The following SENP6 variants were observed in gnomAD, a reference collection of about 807,000 sequenced individuals.
SENP6 encodes SUMO specific peptidase 6, also known as sentrin-specific protease 6.
In SENP6, 41 loss-of-function variants were observed where a neutral mutation model predicts 134.5. The ratio of observed to expected loss-of-function variants is 0.30; its 90% confidence interval spans 0.24 to 0.40. The LOEUF (loss-of-function observed/expected upper bound fraction) is 0.40. SENP6 is among the 10% of genes least tolerant of loss of function. The probability of loss-of-function intolerance (pLI) is 1.00; values close to 1 mark genes in which losing one functional copy is unlikely to be tolerated. For missense variants in SENP6, 1,248 were observed against 1,312.5 expected, an observed-to-expected ratio of 0.95 and a Z score of 0.76; for synonymous variants, 395 against 429.8, an observed-to-expected ratio of 0.92 and a Z score of 1.00.
chr6:75,604,934 G>A (rs1240237546), intron 1 of SENP6, among the ~76,000 whole-genome samples: 3 of 151,084 alleles, frequency 2.0e-5, no homozygotes, highest in South Asian at 2.1e-4. Context: ...TTAGTCTGGC[G>A]TGGTGGCGCG....
chr6:75,619,445 A>ATGTGTG (rs61131437), intron 1 of SENP6, among the ~76,000 whole-genome samples: 52 of 149,354 alleles, frequency 3.5e-4, no homozygotes, highest in South Asian at 8.6e-4. Flanking sequence ...CGTTGTGTCT[A>ATGTGTG]TGTGTGTGTG....
At chr6:75,637,152 A>G (rs1314315076) in intron 5 of SENP6, among the ~76,000 whole-genome samples, 1 of 152,186 alleles carries the variant, frequency 6.6e-6, no homozygotes, top group Non-Finnish European at 1.5e-5. Flanking sequence ...CTGGAATTAC[A>G]GGCCTGAGCA....
Position 75,621,626 on chromosome 6 carries a change from G to C in SENP6, c.146+1G>C. ...AAAGTGAAGGAGATACAGATAAAGA[G>C]TAAGGATTTTTTTTTCCCTCAGATG... On this transcript the variant is annotated splice_donor_variant, in intron 2 of 23. Transcript: ENST00000447266. LOFTEE classifies it high-confidence loss of function. 1 of 1,569,166 alleles carries C rather than the reference G, an allele frequency of 6.4e-7. No homozygotes were observed. The highest frequency in any genetic ancestry group is 8.7e-7 in the Non-Finnish European group (1 of 1,147,400).
In SENP6 at chr6:75,634,824, A is replaced by G. The variant is rs1201314607; in HGVS notation, c.458+13A>G. The G allele has an allele frequency of 1.3e-6, 2 of 1,538,570 alleles. No homozygotes were observed. The highest frequency in any genetic ancestry group is 1.8e-6 in the Non-Finnish European group (2 of 1,122,996). On this transcript the variant is annotated intron_variant, in intron 5 of 23. Coordinates refer to ENST00000447266, the MANE Select transcript of SENP6 (RefSeq NM_015571.4). ...CAGCAGCCCAAAGGTAAGAATTCTAATTGTCTTTGGTTAGTATATACATGG... is the reference window on the plus strand; with the variant it reads ...CAGCAGCCCAAAGGTAAGAATTCTAGTTGTCTTTGGTTAGTATATACATGG...
chr6:75,705,843 C>T (rs1452313402), intron 19 of SENP6, among the ~76,000 whole-genome samples: 1 of 142,502 alleles, frequency 7.0e-6, no homozygotes, highest in Non-Finnish European at 1.5e-5. Flanking sequence ...AAGAACCTAT[C>T]AAAAATTGTG....
At chr6:75,704,627 T>G (rs1298120599) in intron 19 of SENP6, among the ~76,000 whole-genome samples, 1 of 151,998 alleles carries the variant, frequency 6.6e-6, no homozygotes, top group Admixed American at 6.5e-5. Flanking sequence ...GGCTTTCCTC[T>G]TTCACTAATC....
rs576592478 is a variant in SENP6 at position 75,652,531 on chromosome 6, C to T, written c.550+4730C>T. ...ATATACAGATTTTTAAGACTTGATA[C>T]GTTAATGCCAAAATGCCTTGTGTGG... On this transcript the variant is annotated intron_variant, in intron 7 of 23. Coordinates refer to ENST00000447266, the MANE Select transcript of SENP6 (RefSeq NM_015571.4). Among the ~76,000 whole-genome samples the T allele has an allele frequency of 6.0e-5, 9 of 151,134 alleles. No individual in the cohort carries two copies. The South Asian group carries it at 8.3e-4, about 14-fold the overall frequency.
At chr6:75,633,857 G>A in intron 4 of SENP6, 131 bp downstream of exon 4, 2 of 591,570 alleles carry the variant, frequency 3.4e-6, no homozygotes, top group Admixed American at 3.9e-5. Flanking sequence ...AGGTAGCATG[G>A]TCCCAGTATG....
At chr6:75,603,097 T>C (rs886488690) in intron 1 of SENP6, among the ~76,000 whole-genome samples, 2 of 152,196 alleles carry the variant, frequency 1.3e-5, no homozygotes, top group African/African-American at 2.4e-5. Flanking sequence ...TTGTCTGATA[T>C]TCTTTCGGAA....
intron 16 of SENP6, among the ~76,000 whole-genome samples, chr6:75,691,674 A>G (rs1774282095): frequency 6.6e-6 from 1 of 151,342 alleles, no homozygotes; most frequent in African/African-American, 2.4e-5. Context: ...ATCTCAGCTC[A>G]CTGCAAGCTC....
chr6:75,654,578 T>C (rs577441721), intron 7 of SENP6, among the ~76,000 whole-genome samples: 1 of 152,328 alleles, frequency 6.6e-6, no homozygotes, highest in East Asian at 1.9e-4. Context: ...ACACTGAAAA[T>C]CAGTAGCAGC....
At chr6:75,653,724 G>C (rs565535864) in intron 7 of SENP6, among the ~76,000 whole-genome samples, 17 of 151,374 alleles carry the variant, frequency 1.1e-4, no homozygotes, top group Admixed American at 3.9e-4. Context: ...ATATCTTAAA[G>C]TTAGGTATGA....
At chr6:75,648,631 G>T (rs1770631977) in intron 7 of SENP6, among the ~76,000 whole-genome samples, 1 of 151,998 alleles carries the variant, frequency 6.6e-6, no homozygotes, top group Non-Finnish European at 1.5e-5. Context: ...AGTCTTTATA[G>T]ATGTGAATTA....
chr6:75,604,971 G>A lies in SENP6; in HGVS notation c.52+2395G>A, dbSNP rs564003526. 2.1e-4 allele frequency among the ~76,000 whole-genome samples: 32 copies of A among 152,234 alleles called. No homozygotes were observed. In the East Asian group the frequency reaches 5.0e-3, roughly 24 times the overall value. On this transcript the variant is annotated intron_variant, in intron 1 of 23. Transcript: ENST00000447266. ...GCCTGTAATCCCAACTACTCGGGAG[G>A]CTGAGGCAGGAGAATCACCTGAACC...
chr6:75,693,428 A>AAC (rs1554181785), intron 16 of SENP6, among the ~76,000 whole-genome samples: 23 of 151,648 alleles, frequency 1.5e-4, no homozygotes, highest in African/African-American at 5.3e-4. Flanking sequence ...AAAAAAAAAA[A>AAC]ACACCAAAGT....
intron 3 of SENP6, among the ~76,000 whole-genome samples, chr6:75,625,804 G>A (rs1768640395): frequency 6.6e-6 from 1 of 152,194 alleles, no homozygotes; most frequent in Non-Finnish European, 1.5e-5. Flanking sequence ...AGGAGGCAGA[G>A]GTTGCAGTGA....
intron 16 of SENP6, among the ~76,000 whole-genome samples, chr6:75,685,089 C>T (rs929672862): frequency 6.6e-6 from 1 of 152,084 alleles, no homozygotes; most frequent in African/African-American, 2.4e-5. Context: ...TGTTACTGGT[C>T]TATTTAGAGA....
chr6:75,654,193 A>T lies in SENP6; in HGVS notation c.551-5069A>T, dbSNP rs141419577. Among the ~76,000 whole-genome samples the T allele has an allele frequency of 1.4e-4, 21 of 152,294 alleles. No individual in the cohort carries two copies. The East Asian group carries it at 3.5e-3, about 25-fold the overall frequency. ...GAGCACAGGTTGAGGCACTGTGATC[A>T]CGCCTCTGCACTCCAGCCTGGGCTA... On this transcript the variant is annotated intron_variant, in intron 7 of 23. Transcript: ENST00000447266.
intron 10 of SENP6, among the ~76,000 whole-genome samples, chr6:75,668,389 C>G (rs1333425527): frequency 6.6e-6 from 1 of 151,776 alleles, no homozygotes; most frequent in African/African-American, 2.4e-5. Flanking sequence ...AAATAGTAAG[C>G]TATGTGACAA....
Sources: allele counts gnomAD v4.1 joint callset (sites outside exome capture counted in the v4.1 genomes callset), GRCh38; gene constraint gnomAD v4.1.1; transcripts MANE v1.5; gene names NCBI Gene and HGNC (gene_info 2026-07-23, HGNC 2026-07-21).